The following ZFP91 variants were observed in gnomAD, a reference collection of about 807,000 sequenced individuals.
The protein encoded by ZFP91 is ZFP91 zinc finger protein, atypical E3 ubiquitin ligase.
A neutral mutation model predicts 63.5 loss-of-function variants in ZFP91; 7 were observed. That is an observed-to-expected ratio of 0.11 (90% CI 0.06 to 0.21). ZFP91 has a LOEUF of 0.21. Among genes scored for constraint, ZFP91 ranks in the 10% least tolerant of loss-of-function variants. The probability of loss-of-function intolerance (pLI) is 1.00; values close to 1 mark genes in which losing one functional copy is unlikely to be tolerated. For synonymous variants in ZFP91, 330 were observed against 272.1 expected, an observed-to-expected ratio of 1.21 and a Z score of -2.10; for missense variants, 628 against 736.6, an observed-to-expected ratio of 0.85 and a Z score of 1.71.
chr11:58,601,402 T>G (rs1855488296), intron 2 of ZFP91, among the ~76,000 whole-genome samples: 1 of 152,236 alleles, frequency 6.6e-6, no homozygotes, highest in Non-Finnish European at 1.5e-5. Context: ...TCATTGTGTT[T>G]TCTTATGTTT....
intron 2 of ZFP91, among the ~76,000 whole-genome samples, chr11:58,603,364 A>G (rs1855521977): frequency 6.6e-6 from 1 of 152,214 alleles, no homozygotes; most frequent in African/African-American, 2.4e-5. Flanking sequence ...GTGGTACAGG[A>G]CCAAGGCTGT....
chr11:58,587,823 T>G (rs2134392525), intron 2 of ZFP91, among the ~76,000 whole-genome samples: 1 of 152,272 alleles, frequency 6.6e-6, no homozygotes, highest in Non-Finnish European at 1.5e-5. Context: ...TGAGGAATAA[T>G]AGTTAAAACT....
At position 58,610,025 on chromosome 11, in the gene ZFP91, A is replaced by G; in HGVS notation, c.566A>G (p.Asp189Gly). Residue 189 changes from aspartate (D) to glycine (G), a missense_variant, in exon 3 of 11, where the codon GAC becomes GGC. Transcript: ENST00000316059. Reference protein sequence around the residue: ...QLICKSEPNTDQLDYDVGEEH... With the variant: ...QLICKSEPNTGQLDYDVGEEH... ...ATTTGCAAGTCAGAACCAAATACAG[A>G]CCAACTTGATTATGGTACAGTGCAA... The G allele has an allele frequency of 6.2e-7, 1 of 1,614,194 alleles. No homozygotes were observed. Among genetic ancestry groups the G allele is most frequent in the Non-Finnish European group, 8.5e-7 (1 of 1,180,018 alleles).
At chr11:58,610,576 G>A (rs1855643586) in intron 4 of ZFP91, among the ~76,000 whole-genome samples, 1 of 152,130 alleles carries the variant, frequency 6.6e-6, no homozygotes, top group Admixed American at 6.5e-5. Context: ...TCCATGGTAG[G>A]CACTAATGTG....
chr11:58,617,487 C>G lies in ZFP91; in HGVS notation c.1494C>G (p.Pro498=), dbSNP rs903434652. The part of the protein sequence containing the change: ...DGQGLPLLPE[P]LGNSTSGECL... ...AGGGTCTTCCTCTTCTTCCTGAGCC[C>G]TTGGGAAACTCAACCTCTGGAGAGT... Residue 498 remains proline (P), a synonymous_variant, in exon 11 of 11, where the codon CCC becomes CCG. Transcript: ENST00000316059. This position sits in a 1 kb window ranked among gnomAD's most constrained non-coding sequence, Gnocchi z 4.2. The G allele has an allele frequency of 1.4e-5, 23 of 1,613,996 alleles. No individual in the cohort carries two copies. The highest frequency in any genetic ancestry group is 1.9e-5 in the Non-Finnish European group (22 of 1,180,008).
At chr11:58,591,906 C>T (rs986447706) in intron 2 of ZFP91, among the ~76,000 whole-genome samples, 2 of 152,070 alleles carry the variant, frequency 1.3e-5, no homozygotes, top group African/African-American at 4.8e-5. Context: ...TTGGTCTCTG[C>T]TGCTGGCATA....
chr11:58,584,761 T>G (rs1053079912), intron 1 of ZFP91, 95 bp from the exon 2 acceptor site: 27 of 1,150,114 alleles, frequency 2.3e-5, no homozygotes, highest in African/African-American at 1.5e-4. Flanking sequence ...CTAGATGCTT[T>G]CTTTATCACT....
intron 2 of ZFP91, among the ~76,000 whole-genome samples, chr11:58,608,492 C>T (rs1389519655): frequency 1.3e-5 from 2 of 152,014 alleles, no homozygotes; most frequent in Non-Finnish European, 2.9e-5. Flanking sequence ...CTTGACAATA[C>T]ATTATGTTGT....
chr11:58,587,314 A>G (rs766402735), intron 2 of ZFP91, among the ~76,000 whole-genome samples: 26 of 152,194 alleles, frequency 1.7e-4, no homozygotes, highest in Non-Finnish European at 3.2e-4. Context: ...ACTGGATTCT[A>G]CTGGTAATCA....
intron 8 of ZFP91, 26 bp downstream of exon 8, chr11:58,612,866 C>T (rs1304339973): frequency 1.3e-6 from 2 of 1,592,630 alleles, no homozygotes; most frequent in African/African-American, 1.4e-5. Context: ...ATATAAGAGC[C>T]TTTCAGGTTG....
chr11:58,611,499 G>A (rs1855661593), intron 5 of ZFP91, 105 bp from the exon 6 acceptor site: 4 of 1,370,814 alleles, frequency 2.9e-6, no homozygotes, highest in Admixed American at 4.7e-5. Context: ...AACTGAGGAA[G>A]GTAGTTTTAT....
rs1278942590 is a variant in ZFP91 at position 58,617,094 on chromosome 11, G to GTGTGTGTA, written c.1203-97_1203-96insGTATGTGT. ...ATTGTGTGTGTGTGTGTGTGTGTGT[G>GTGTGTGTA]TGTGTATGTATATATATGCTCTAAA... On this transcript the variant is annotated intron_variant, in intron 10 of 10. Transcript: ENST00000316059. The surrounding 1 kb of genome is among the most constrained non-coding windows in gnomAD (Gnocchi z 4.2). 4 of 1,006,794 alleles carry GTGTGTGTA rather than the reference G, an allele frequency of 4.0e-6. No individual in the cohort carries two copies. Among genetic ancestry groups the GTGTGTGTA allele is most frequent in the Non-Finnish European group, 5.8e-6 (4 of 691,750 alleles). 62.4% of individuals were successfully genotyped at this position (1,006,794 alleles called of 1,614,324 possible).
chr11:58,617,494 A>C lies in ZFP91; in HGVS notation c.1501A>C (p.Asn501His). ...TCCTCTTCTTCCTGAGCCCTTGGGA[A>C]ACTCAACCTCTGGAGAGTGCCTACT... is the stretch of plus-strand genomic sequence containing the variant. ...GLPLLPEPLG[N>H]STSGECLLLE... The change falls in exon 11 of 11, where the codon AAC (asparagine) becomes CAC (histidine). Residue 501 changes from asparagine to histidine, a missense_variant. Around this residue, in one of 3 missense-constraint regions of ZFP91, gnomAD observed 115 missense variants for 125.4 expected, o/e 0.92. Transcript: ENST00000316059. The surrounding 1 kb of genome is among the most constrained non-coding windows in gnomAD (Gnocchi z 4.2). The C allele has an allele frequency of 6.2e-7, 1 of 1,614,084 alleles. No individual in the cohort carries two copies. The highest frequency in any genetic ancestry group is 8.5e-7 in the Non-Finnish European group (1 of 1,179,990).
chr11:58,610,174 T>C (rs372064633), intron 3 of ZFP91, 124 bp from the exon 4 acceptor site: 24 of 1,406,072 alleles, frequency 1.7e-5, no homozygotes, highest in African/African-American at 5.7e-5. Flanking sequence ...TTTGAACAGT[T>C]TGCAGATATT....
chr11:58,618,872 A>C lies in ZFP91; in HGVS notation c.*1166A>C, dbSNP rs1463003925. The C allele has an allele frequency of 3.6e-6, 1 of 276,026 alleles. No homozygotes were observed. The highest frequency in any genetic ancestry group is 7.2e-6 in the Non-Finnish European group (1 of 139,578). The allele number at this position is 276,026 out of a possible 1,614,324, so 17.1% of individuals were successfully genotyped here. A position where few individuals can be genotyped will look rare whatever the true frequency, so the allele number is the denominator to read the frequency against. ...TGAGATTTTTACAGTGTTGAAACTT[A>C]AGAATTTTGAGAGGGTGAGGAGGGT... On this transcript the variant is annotated 3_prime_UTR_variant, in exon 11 of 11. Transcript: ENST00000316059.
intron 1 of ZFP91, among the ~76,000 whole-genome samples, chr11:58,583,549 A>G (rs1855154005): frequency 6.6e-6 from 1 of 152,110 alleles, no homozygotes; most frequent in Admixed American, 6.6e-5. Flanking sequence ...TCAGTTGTAC[A>G]AGACTGAAAT....
At chr11:58,610,170 C>A in intron 3 of ZFP91, 128 bp from the exon 4 acceptor site, 1 of 1,404,362 alleles carries the variant, frequency 7.1e-7, no homozygotes, top group Non-Finnish European at 9.8e-7. Context: ...TTTCTTTGAA[C>A]AGTTTGCAGA....
rs568449380 is a variant in ZFP91 at position 58,612,687 on chromosome 11, G to GT, written c.909-72dup. 157 of 1,160,292 alleles carry GT rather than the reference G, an allele frequency of 1.4e-4. No homozygotes were observed. In the African/African-American group the frequency reaches 2.1e-3, roughly 16 times the overall value. The allele number at this position is 1,160,292 out of a possible 1,614,324, so 71.9% of individuals were successfully genotyped here. ...TAAAATAGCTATTCCCAATAGCACA[G>GT]TTTAAGTCAGAGGCCACTGTGCAGA... On this transcript the variant is annotated intron_variant, in intron 7 of 10. Coordinates refer to ENST00000316059, the MANE Select transcript of ZFP91 (RefSeq NM_053023.5).
At chr11:58,594,828 G>GT (rs1855369764) in intron 2 of ZFP91, among the ~76,000 whole-genome samples, 1 of 152,118 alleles carries the variant, frequency 6.6e-6, no homozygotes, top group African/African-American at 2.4e-5. Flanking sequence ...TTATTTTCCG[G>GT]TTTTTAATCA....
Sources: gnomAD v4.1 joint callset for allele counts (sites outside exome capture counted in the v4.1 genomes callset) on GRCh38, gnomAD v4.1.1 for gene constraint, gnomAD v4.1.1 regional missense constraint, Gnocchi (gnomAD v3.1) non-coding constraint, MANE v1.5 for transcripts, NCBI Gene and HGNC (gene_info 2026-07-23, HGNC 2026-07-21) for gene names.